Variants in SLC6A15 observed in about 807,000 individuals in gnomAD.
SLC6A15 encodes sodium-dependent neutral amino acid transporter B(0)AT2.
In SLC6A15, 33 loss-of-function variants were observed where a neutral mutation model predicts 68.5. That is an observed-to-expected ratio of 0.48 (90% CI 0.37 to 0.64). The LOEUF is 0.64. SLC6A15 is among the 30% of genes least tolerant of loss of function. The pLI, the probability that SLC6A15 is intolerant of heterozygous loss-of-function variation, is 0.00. For missense variants in SLC6A15, 747 were observed against 874.3 expected (o/e 0.85, Z 1.84); for synonymous variants, 347 against 301.0 (o/e 1.15, Z -1.58).
At chr12:84,872,166 A>C (rs1871313411) in intron 8 of SLC6A15, among the ~76,000 whole-genome samples, 1 of 151,988 alleles carries the variant, frequency 6.6e-6, no homozygotes, top group African/African-American at 2.4e-5. Flanking sequence ...CAAAAAAAAA[A>C]AAAAGAACTT....
Position 84,861,618 on chromosome 12 carries a change from G to A in SLC6A15, c.*14C>T, listed in dbSNP as rs1048461620. ...AAAAATGAACCAAATAAAACCCACT[G>A]ACTTTTCCCCCAGCTACAAATCAGA... On this transcript the variant is annotated 3_prime_UTR_variant, in exon 12 of 12. Coordinates refer to ENST00000266682, the MANE Select transcript of SLC6A15 (RefSeq NM_182767.6). 1.0e-5 allele frequency: 16 copies of A among 1,577,900 alleles called. No individual in the cohort carries two copies. Among genetic ancestry groups the A allele is most frequent in the East Asian group, 2.3e-5 (1 of 44,394 alleles).
intron 1 of SLC6A15, among the ~76,000 whole-genome samples, chr12:84,908,656 T>C (rs1873291583): frequency 6.7e-6 from 1 of 150,184 alleles, no homozygotes; most frequent in Non-Finnish European, 1.5e-5. Flanking sequence ...TAGAATATAC[T>C]GTACCATCTG....
intron 2 of SLC6A15, among the ~76,000 whole-genome samples, chr12:84,890,975 A>C (rs1872363216): frequency 6.6e-6 from 1 of 152,166 alleles, no homozygotes; most frequent in Admixed American, 6.5e-5. Flanking sequence ...TTTCATATAC[A>C]TAGATAATAA....
At chr12:84,876,989 TC>T (rs1338338528) in intron 5 of SLC6A15, among the ~76,000 whole-genome samples, 2 of 152,188 alleles carry the variant, frequency 1.3e-5, no homozygotes, top group Non-Finnish European at 2.9e-5. Flanking sequence ...AAGTCCTATT[TC>T]TTTTTCTTTT....
chr12:84,867,869 G>A (rs1871126598), intron 9 of SLC6A15: 1 of 152,112 alleles, frequency 6.6e-6, no homozygotes, highest in African/African-American at 2.4e-5. Flanking sequence ...TAATAGCTAA[G>A]AAACAGATGC....
At chr12:84,877,718 T>A (rs899895453) in intron 5 of SLC6A15, among the ~76,000 whole-genome samples, 5 of 152,176 alleles carry the variant, frequency 3.3e-5, no homozygotes, top group African/African-American at 1.2e-4. Flanking sequence ...GGTGATGCCT[T>A]TTTCTATCCT....
intron 6 of SLC6A15, among the ~76,000 whole-genome samples, chr12:84,875,883 A>G (rs971978410): frequency 2.0e-5 from 3 of 151,410 alleles, no homozygotes; most frequent in South Asian, 4.2e-4. Context: ...ATATGCATCT[A>G]TAGAAGTTAC....
intron 1 of SLC6A15, among the ~76,000 whole-genome samples, chr12:84,909,000 T>C (rs999173146): frequency 6.6e-6 from 1 of 152,160 alleles, no homozygotes; most frequent in African/African-American, 2.4e-5. Context: ...CAAATTATTT[T>C]GTATATCTTG....
At chr12:84,879,991 A>G (rs1282471759) in intron 5 of SLC6A15, among the ~76,000 whole-genome samples, 1 of 152,212 alleles carries the variant, frequency 6.6e-6, no homozygotes, top group African/African-American at 2.4e-5. Flanking sequence ...TATTCTAATT[A>G]TATGTCCAGA....
At chr12:84,898,325 G>A (rs1416847326) in intron 1 of SLC6A15, among the ~76,000 whole-genome samples, 2 of 152,166 alleles carry the variant, frequency 1.3e-5, no homozygotes, top group Non-Finnish European at 2.9e-5. Flanking sequence ...GGGTGACAGA[G>A]TGAGATCTGT....
Position 84,863,568 on chromosome 12 carries a change from A to G in SLC6A15, c.1689T>C (p.Phe563=). Residue 563 remains phenylalanine, a synonymous_variant, in exon 11 of 12, where the codon TTT becomes TTC. Transcript: ENST00000266682. ...TATAGTAGTAATATCTGCTGGGAGC[A>G]AAGCCCAGCATATCTTTTAGGTCTT... is the stretch of plus-strand genomic sequence containing the variant. ...FMEDLKDMLG[F]APSRYYYYMW... 6.4e-7 allele frequency: 1 copy of G among 1,574,380 alleles called. No homozygotes were observed. The highest frequency in any genetic ancestry group is 1.2e-5 in the South Asian group (1 of 83,734).
chr12:84,869,776 TCAGTATTTTACATG>T (rs1565721002), intron 9 of SLC6A15, among the ~76,000 whole-genome samples: 1 of 152,190 alleles, frequency 6.6e-6, no homozygotes, highest in Non-Finnish European at 1.5e-5. Flanking sequence ...CATTATGCTA[TCAGTATTTTACATG>T]CTGTAAGTCT....
At chr12:84,887,302 G>A (rs570121661) in intron 2 of SLC6A15, among the ~76,000 whole-genome samples, 2 of 151,996 alleles carry the variant, frequency 1.3e-5, no homozygotes, top group African/African-American at 4.8e-5. Flanking sequence ...GAAGCTATTC[G>A]AATCGTCTTA....
At chr12:84,895,631 G>A (rs535492061) in intron 1 of SLC6A15, among the ~76,000 whole-genome samples, 1 of 152,140 alleles carries the variant, frequency 6.6e-6, no homozygotes, top group African/African-American at 2.4e-5. Context: ...ACAAGCGTGA[G>A]CCACCATGAC....
At chr12:84,892,836 C>T (rs1872477377) in intron 1 of SLC6A15, among the ~76,000 whole-genome samples, 1 of 152,062 alleles carries the variant, frequency 6.6e-6, no homozygotes, top group Non-Finnish European at 1.5e-5. Context: ...ACTCTGTCAC[C>T]CAGGCTGGAG....
At chr12:84,893,092 C>A (rs1248149987) in intron 1 of SLC6A15, among the ~76,000 whole-genome samples, 3 of 152,144 alleles carry the variant, frequency 2.0e-5, no homozygotes, top group African/African-American at 7.2e-5. Context: ...CTCACCCAAC[C>A]CATTTGATAT....
At chr12:84,877,061 C>G (rs1871580944) in intron 5 of SLC6A15, among the ~76,000 whole-genome samples, 1 of 152,138 alleles carries the variant, frequency 6.6e-6, no homozygotes, top group Non-Finnish European at 1.5e-5. Flanking sequence ...TATGCTGTAT[C>G]TTCCAGAACC....
Position 84,884,027 on chromosome 12 carries a change from T to C in SLC6A15, c.588A>G (p.Glu196=). The change falls in exon 5 of 12, where the codon GAA becomes GAG. Residue 196 remains glutamate (E), a synonymous_variant. Transcript: ENST00000266682. ...AGGTGGTGGCAGAACTTTGTTCACATTCTGGTTCTACAACTGTAGAAAGAA... is the reference window on the plus strand; with the variant it reads ...AGGTGGTGGCAGAACTTTGTTCACACTCTGGTTCTACAACTGTAGAAAGAA... ...KNASHTFVEP[E]CEQSSATTYY... 6.2e-7 allele frequency: 1 copy of C among 1,613,818 alleles called. No homozygotes were observed. The highest frequency in any genetic ancestry group is 2.2e-5 in the East Asian group (1 of 44,876).
rs764405550 is a variant in SLC6A15 at position 84,861,923 on chromosome 12, A to G, written c.1902T>C (p.Pro634=). 10 of 1,613,906 alleles carry G rather than the reference A, an allele frequency of 6.2e-6. No individual in the cohort carries two copies. Among genetic ancestry groups the G allele is most frequent in the Admixed American group, 5.0e-5 (3 of 59,974 alleles). The change falls in exon 12 of 12, where the codon CCT becomes CCC. Residue 634 remains proline (P), a synonymous_variant. Transcript: ENST00000266682. The part of the protein sequence containing the change: ...SLVVFAILPV[P]VVFIVRRFNL... ...TGAAGCGACGAACAATGAAAACTAC[A>G]GGGACTGGGAGTATTGCAAAGACAA...
Sources: gnomAD v4.1 joint callset for allele counts (sites outside exome capture counted in the v4.1 genomes callset) on GRCh38, gnomAD v4.1.1 for gene constraint, MANE v1.5 for transcripts, NCBI Gene and HGNC (gene_info 2026-07-23, HGNC 2026-07-21) for gene names.